Variants in GRIN2B observed in about 807,000 individuals in gnomAD.
GRIN2B encodes the protein glutamate receptor ionotropic, NMDA 2B.
In GRIN2B, 5 loss-of-function variants were observed where a neutral mutation model predicts 114.5. That is an observed-to-expected ratio of 0.04 (90% CI 0.02 to 0.09). The LOEUF is 0.09. Ranked by LOEUF, GRIN2B falls within the 10% of genes least tolerant of loss-of-function variation. The pLI, the probability that GRIN2B is intolerant of heterozygous loss-of-function variation, is 1.00. For synonymous variants in GRIN2B, 787 were observed against 745.1 expected (o/e 1.06, Z -0.92); for missense variants, 1,108 against 1,943.5 (o/e 0.57, Z 8.08).
intron 2 of GRIN2B, among the ~76,000 whole-genome samples, chr12:13,912,555 G>T (rs1037703095): frequency 1.3e-5 from 2 of 152,178 alleles, no homozygotes; most frequent in African/African-American, 4.8e-5. Flanking sequence ...TCGGAGCTCC[G>T]TACTTGTGGG....
chr12:13,775,844 C>T (rs146762649), intron 3 of GRIN2B, among the ~76,000 whole-genome samples: 1 of 152,094 alleles, frequency 6.6e-6, no homozygotes, highest in Non-Finnish European at 1.5e-5. Context: ...TTTTCCCTCA[C>T]AAAAATAGTC....
intron 2 of GRIN2B, among the ~76,000 whole-genome samples, chr12:13,907,125 T>TTA (rs1555155589): frequency 2.6e-5 from 4 of 152,034 alleles, no homozygotes; most frequent in East Asian, 1.9e-4. Flanking sequence ...GCAATCTAGA[T>TTA]AAAAAAAGTC....
chr12:13,879,320 A>G lies in GRIN2B; in HGVS notation c.-18-13094T>C, dbSNP rs975879402. On this transcript the variant is annotated intron_variant, in intron 2 of 13. Transcript: ENST00000609686. Reference sequence around the variant, plus strand: ...CTGTAGGCAGTTGTAACACAGTGGTAAGGATTTTTGCATCTAAATACATCT... The same window carrying G: ...CTGTAGGCAGTTGTAACACAGTGGTGAGGATTTTTGCATCTAAATACATCT... Among the ~76,000 whole-genome samples, 8 of 152,312 alleles carry G rather than the reference A, an allele frequency of 5.3e-5. No homozygotes were observed. In the East Asian group the frequency reaches 1.5e-3, roughly 29 times the overall value.
intron 4 of GRIN2B, among the ~76,000 whole-genome samples, chr12:13,745,551 G>A (rs1210011310): frequency 6.6e-6 from 1 of 152,192 alleles, no homozygotes; most frequent in Non-Finnish European, 1.5e-5. Context: ...CCTGCCATCA[G>A]GACACCTGGC....
At chr12:13,664,521 A>G (rs1405017401) in intron 5 of GRIN2B, among the ~76,000 whole-genome samples, 1 of 152,170 alleles carries the variant, frequency 6.6e-6, no homozygotes, top group Non-Finnish European at 1.5e-5. Context: ...TAACTATAAA[A>G]ATAGATGATT....
chr12:13,584,059 C>T (rs1948886663), intron 10 of GRIN2B, among the ~76,000 whole-genome samples: 1 of 152,286 alleles, frequency 6.6e-6, no homozygotes, highest in East Asian at 1.9e-4. Context: ...GAATCCAAGT[C>T]TGCCTATACA....
chr12:13,941,780 C>T (rs575743330), intron 2 of GRIN2B, among the ~76,000 whole-genome samples: 1 of 152,318 alleles, frequency 6.6e-6, no homozygotes, highest in East Asian at 1.9e-4. Flanking sequence ...TACGTGTGTG[C>T]AAACCATGGT....
chr12:13,696,621 T>A (rs142343035), intron 4 of GRIN2B, among the ~76,000 whole-genome samples: 1 of 152,144 alleles, frequency 6.6e-6, no homozygotes, highest in East Asian at 1.9e-4. Context: ...AGAAGAAAGA[T>A]TGCACACCAA....
At chr12:13,850,329 A>T (rs1865538431) in intron 3 of GRIN2B, among the ~76,000 whole-genome samples, 1 of 152,158 alleles carries the variant, frequency 6.6e-6, no homozygotes, top group Non-Finnish European at 1.5e-5. Context: ...TGGTACAGAA[A>T]AAAATTCCCC....
chr12:13,898,682 C>G (rs979337890), intron 2 of GRIN2B, among the ~76,000 whole-genome samples: 1 of 152,182 alleles, frequency 6.6e-6, no homozygotes, highest in Non-Finnish European at 1.5e-5. Flanking sequence ...GAGGCCAAGG[C>G]GGGTGTATCA....
chr12:13,876,527 C>A (rs1565571905), intron 2 of GRIN2B, among the ~76,000 whole-genome samples: 1 of 152,156 alleles, frequency 6.6e-6, no homozygotes, highest in Non-Finnish European at 1.5e-5. Flanking sequence ...AAGTGACAAT[C>A]TCATGGGTAA....
intron 4 of GRIN2B, among the ~76,000 whole-genome samples, chr12:13,736,113 A>G (rs913214006): frequency 2.5e-5 from 3 of 120,598 alleles, no homozygotes; most frequent in African/African-American, 9.8e-5. Context: ...AGAAACATGA[A>G]CTATCATCTC....
chr12:13,937,095 A>G (rs1337670239), intron 2 of GRIN2B, among the ~76,000 whole-genome samples: 5 of 141,584 alleles, frequency 3.5e-5, no homozygotes, highest in African/African-American at 1.3e-4. Flanking sequence ...AAAAAAAAAA[A>G]AGGGGGGGGG....
At chr12:13,732,066 G>C (rs1425830027) in intron 4 of GRIN2B, among the ~76,000 whole-genome samples, 1 of 152,046 alleles carries the variant, frequency 6.6e-6, no homozygotes, top group African/African-American at 2.4e-5. Flanking sequence ...TACACTAATG[G>C]TGCCTAGTTG....
At chr12:13,744,046 A>G (rs145594696) in intron 4 of GRIN2B, among the ~76,000 whole-genome samples, 348 of 152,374 alleles carry the variant, frequency 2.3e-3, no homozygotes, top group Non-Finnish European at 3.6e-3. Flanking sequence ...AGGCTCATCA[A>G]CAATTTATAA....
Position 13,541,852 on chromosome 12 carries a change from A to C in GRIN2B, c.*20931T>G, listed in dbSNP as rs1053717527. On this transcript the variant is annotated 3_prime_UTR_variant, in exon 14 of 14. Coordinates refer to ENST00000609686, the MANE Select transcript of GRIN2B (RefSeq NM_000834.5). The stretch of plus-strand genomic sequence containing the variant: ...TATGATTTTTTCAGGTGGCACAGGA[A>C]ATAGAATTAGTGCATCCTCTGTGTC... 2.0e-5 allele frequency: 3 copies of C among 152,242 alleles called. No individual in the cohort carries two copies. The highest frequency in any genetic ancestry group is 4.8e-5 in the African/African-American group (2 of 41,452). The allele number at this position is 152,242 out of a possible 1,614,324, so 9.4% of individuals were successfully genotyped here.
At chr12:13,595,235 C>A (rs554288670) in intron 10 of GRIN2B, among the ~76,000 whole-genome samples, 2 of 152,276 alleles carry the variant, frequency 1.3e-5, no homozygotes, top group South Asian at 4.1e-4. Flanking sequence ...TCAAACTAAT[C>A]TCATGATGTG....
At chr12:13,716,755 C>T (rs10772706) in intron 4 of GRIN2B, among the ~76,000 whole-genome samples, 69,554 of 151,664 alleles carry the variant, frequency 0.46, 16,305 homozygotes, top group African/African-American at 0.53. Context: ...GAGGGCATTT[C>T]GCACTGCCAA....
chr12:13,563,279 C>T lies in GRIN2B; in HGVS notation c.3959G>A (p.Arg1320His), dbSNP rs1216861599. The change falls in exon 14 of 14, where the codon CGC (arginine) becomes CAC (histidine). Residue 1320 changes from arginine to histidine, a missense_variant. By Grantham distance (29) the Arg-to-His change is conservative (BLOSUM62 0). Transcript: ENST00000609686. ...LQKEEAALAP[R>H]SVSLKDKGRF... Reference sequence around the variant, plus strand: ...GCCCTTGTCTTTCAGGCTTACGCTGCGCGGGGCCAGGGCGGCTTCTTCCTT... The same window carrying T: ...GCCCTTGTCTTTCAGGCTTACGCTGTGCGGGGCCAGGGCGGCTTCTTCCTT... The T allele has an allele frequency of 6.2e-7, 1 of 1,614,224 alleles. No individual in the cohort carries two copies. Among genetic ancestry groups the T allele is most frequent in the Non-Finnish European group, 8.5e-7 (1 of 1,180,046 alleles).
Sources: gnomAD v4.1 joint callset for allele counts (sites outside exome capture counted in the v4.1 genomes callset) on GRCh38, gnomAD v4.1.1 for gene constraint, MANE v1.5 for transcripts, NCBI Gene and HGNC (gene_info 2026-07-23, HGNC 2026-07-21) for gene names.